The following KCNG2 variants were observed in gnomAD, a reference collection of about 807,000 sequenced individuals.
The protein encoded by KCNG2 is potassium voltage-gated channel modifier subfamily G member 2.
Under a neutral mutation model 12.3 loss-of-function variants are expected in KCNG2, and 7 were observed. That is an observed-to-expected ratio of 0.57 (90% CI 0.32 to 1.07). The LOEUF (loss-of-function observed/expected upper bound fraction) is 1.07, where lower values mean the gene tolerates loss of function less well. Ranked by LOEUF, KCNG2 falls within the 50% of genes least tolerant of loss-of-function variation. KCNG2 has a pLI of 0.04. For synonymous variants in KCNG2, 414 were observed against 351.4 expected, an observed-to-expected ratio of 1.18 and a Z score of -1.99; for missense variants, 703 against 726.0, an observed-to-expected ratio of 0.97 and a Z score of 0.36.
At chr18:79,861,111 A>T (rs1234081492) in intron 2 of KCNG2, among the ~76,000 whole-genome samples, 2 of 152,178 alleles carry the variant, frequency 1.3e-5, no homozygotes, top group Non-Finnish European at 2.9e-5. Context: ...AAATGAGCGT[A>T]TTATAGTAAT....
chr18:79,801,304 T>C (rs182788912), intron 1 of KCNG2, among the ~76,000 whole-genome samples: 1 of 152,368 alleles, frequency 6.6e-6, no homozygotes. Flanking sequence ...GCTGAGACTG[T>C]GTGAGAACCG....
In KCNG2 at chr18:79,822,923, G is replaced by A. The variant is rs923634776; in HGVS notation, c.-115+24909G>A. Among the ~76,000 whole-genome samples, 5 of 152,338 alleles carry A rather than the reference G, an allele frequency of 3.3e-5. No individual in the cohort carries two copies. The highest frequency in any genetic ancestry group is 3.4e-3 in the Middle Eastern group (1 of 294). On this transcript the variant is annotated intron_variant, in intron 1 of 3. Transcript: ENST00000316249. This position sits in a 1 kb window ranked among gnomAD's most constrained non-coding sequence, Gnocchi z 4.4. The stretch of plus-strand genomic sequence containing the variant: ...TATCGTGGGCGTTGGTGTTGCGTGT[G>A]GGTGTGGCTCACTTGTGGCATGTGA...
chr18:79,862,357 A>G (rs1979252841), intron 2 of KCNG2, among the ~76,000 whole-genome samples: 1 of 152,182 alleles, frequency 6.6e-6, no homozygotes, highest in African/African-American at 2.4e-5. Context: ...GTCTGTTCCA[A>G]TAGCTTAGAG....
intron 3 of KCNG2, among the ~76,000 whole-genome samples, chr18:79,870,038 C>T (rs1363510580): frequency 4.5e-4 from 68 of 152,268 alleles, no homozygotes; most frequent in Non-Finnish European, 5.9e-5. Context: ...TCTGGGCCCC[C>T]AGCCACCTGG....
chr18:79,895,336 T>C (rs1454826850), intron 3 of KCNG2, among the ~76,000 whole-genome samples: 1 of 152,114 alleles, frequency 6.6e-6, no homozygotes, highest in Non-Finnish European at 1.5e-5. Context: ...TTCATATAGT[T>C]GAGTCTGTGT....
At chr18:79,859,923 A>G (rs906633831) in intron 2 of KCNG2, among the ~76,000 whole-genome samples, 1 of 152,148 alleles carries the variant, frequency 6.6e-6, no homozygotes, top group Non-Finnish European at 1.5e-5. Context: ...TCGCATTCCT[A>G]TAAAGGAATA....
chr18:79,832,602 A>G (rs1250267252), intron 1 of KCNG2, among the ~76,000 whole-genome samples: 1 of 149,718 alleles, frequency 6.7e-6, no homozygotes, highest in Non-Finnish European at 1.5e-5. Flanking sequence ...CTTCTTCTCC[A>G]CTCTTTTCTG....
chr18:79,849,585 G>A (rs932283691), intron 1 of KCNG2, among the ~76,000 whole-genome samples: 8 of 152,248 alleles, frequency 5.3e-5, no homozygotes, highest in Non-Finnish European at 1.2e-4. Flanking sequence ...TACACCAAGC[G>A]CGGCGGTAAA....
At chr18:79,852,144 G>C (rs1022943246) in intron 1 of KCNG2, among the ~76,000 whole-genome samples, 2 of 152,106 alleles carry the variant, frequency 1.3e-5, no homozygotes, top group Non-Finnish European at 2.9e-5. Context: ...GAATTGGGGG[G>C]ATGGCAAGCG....
At chr18:79,867,937 C>T (rs761553846) in intron 3 of KCNG2, among the ~76,000 whole-genome samples, 9 of 152,120 alleles carry the variant, frequency 5.9e-5, no homozygotes, top group Non-Finnish European at 1.2e-4. Flanking sequence ...GCCTGCGGCC[C>T]GAGTGCCAAT....
At chr18:79,852,595 G>A (rs1481703722) in intron 1 of KCNG2, among the ~76,000 whole-genome samples, 3 of 152,256 alleles carry the variant, frequency 2.0e-5, no homozygotes, top group South Asian at 2.1e-4. Flanking sequence ...CTTGGGCTTC[G>A]CCCTGACAGT....
intron 1 of KCNG2, among the ~76,000 whole-genome samples, chr18:79,825,583 C>T (rs889716373): frequency 2.0e-5 from 3 of 152,196 alleles, no homozygotes; most frequent in Non-Finnish European, 4.4e-5. Flanking sequence ...GGAGGTTTTA[C>T]CAAGTCCCTG....
At position 79,831,611 on chromosome 18, in the gene KCNG2, A is replaced by G. The variant is rs1408486421; in HGVS notation, c.-114-24768A>G. ...CCCTGCGTACAGAGCCTTCGTCAGG[A>G]GCGTGCCCTGCGTACAGAGCCTTCG... On this transcript the variant is annotated intron_variant, in intron 1 of 3. Coordinates refer to ENST00000316249, the MANE Select transcript of KCNG2 (RefSeq NM_012283.2). Among the ~76,000 whole-genome samples, 65 of 119,482 alleles carry G rather than the reference A, an allele frequency of 5.4e-4. 5 individuals carry two copies. Among genetic ancestry groups the G allele is most frequent in the African/African-American group, 1.5e-3 (47 of 30,338 alleles). The allele number at this position is 119,482 out of a possible 152,430, so 78.4% of individuals were successfully genotyped here. A position where few individuals can be genotyped will look rare whatever the true frequency, so the allele number is the denominator to read the frequency against.
In KCNG2 at chr18:79,863,476, G is replaced by C. The variant is rs566616669; in HGVS notation, c.-40-152G>C. Among the ~76,000 whole-genome samples the C allele has an allele frequency of 2.0e-5, 3 of 152,236 alleles. 1 individual carries two copies. The South Asian group carries it at 6.2e-4, about 31-fold the overall frequency. Reference sequence around the variant, plus strand: ...CCCATGCGGACCAGGTGCAGAGGTCGGGCCTGCGGAGGAGTGGGAAGTGGG... The same window carrying C: ...CCCATGCGGACCAGGTGCAGAGGTCCGGCCTGCGGAGGAGTGGGAAGTGGG... On this transcript the variant is annotated intron_variant, in intron 2 of 3. Transcript: ENST00000316249.
At chr18:79,898,823 C>T (rs781268512) in intron 3 of KCNG2, among the ~76,000 whole-genome samples, 4 of 152,262 alleles carry the variant, frequency 2.6e-5, no homozygotes, top group Non-Finnish European at 5.9e-5. Flanking sequence ...TAAGCGCATC[C>T]GCTCTCAAGC....
At chr18:79,825,267 C>T (rs966174555) in intron 1 of KCNG2, among the ~76,000 whole-genome samples, 1 of 152,160 alleles carries the variant, frequency 6.6e-6, no homozygotes, top group Admixed American at 6.5e-5. Context: ...TCTGATTGTT[C>T]AGTCTGTTTC....
Position 79,856,140 on chromosome 18 carries a change from A to G in KCNG2, c.-114-239A>G, listed in dbSNP as rs75447896. On this transcript the variant is annotated intron_variant, in intron 1 of 3. Coordinates refer to ENST00000316249, the MANE Select transcript of KCNG2 (RefSeq NM_012283.2). ...TGTTCTGGGAGGAAGAAAGCCTTTTACAGCAAAAGTTCCAGGTTATACCTG... is the reference window on the plus strand; with the variant it reads ...TGTTCTGGGAGGAAGAAAGCCTTTTGCAGCAAAAGTTCCAGGTTATACCTG... 1.1e-4 allele frequency among the ~76,000 whole-genome samples: 17 copies of G among 152,352 alleles called. No homozygotes were observed. In the East Asian group the frequency reaches 2.9e-3, roughly 26 times the overall value.
chr18:79,875,140 C>A (rs879714516), intron 3 of KCNG2, among the ~76,000 whole-genome samples: 4 of 152,172 alleles, frequency 2.6e-5, no homozygotes, highest in Non-Finnish European at 4.4e-5. Flanking sequence ...TTAAAGCTAG[C>A]CTGAGTTATC....
At chr18:79,804,322 C>T (rs955165174) in intron 1 of KCNG2, among the ~76,000 whole-genome samples, 2 of 152,256 alleles carry the variant, frequency 1.3e-5, no homozygotes, top group African/African-American at 4.8e-5. Context: ...CCACTGATCA[C>T]TGCATGGGGT....
Sources: gnomAD v4.1 joint callset for allele counts (sites outside exome capture counted in the v4.1 genomes callset) on GRCh38, gnomAD v4.1.1 for gene constraint, Gnocchi (gnomAD v3.1) non-coding constraint, MANE v1.5 for transcripts, NCBI Gene and HGNC (gene_info 2026-07-23, HGNC 2026-07-21) for gene names.